ADD1: variants seen among roughly 807,000 people sequenced by gnomAD.
ADD1 encodes adducin 1, also known as alpha-adducin.
A neutral mutation model predicts 80.5 loss-of-function variants in ADD1; 24 were observed. The ratio of observed to expected loss-of-function variants is 0.30; its 90% CI spans 0.22 to 0.42. The LOEUF (loss-of-function observed/expected upper bound fraction) is 0.42, where lower values mean the gene tolerates loss of function less well. Ranked by LOEUF, ADD1 falls within the 10% of genes least tolerant of loss-of-function variation. The probability of loss-of-function intolerance (pLI) is 1.00; values close to 1 mark genes in which losing one functional copy is unlikely to be tolerated. For synonymous variants in ADD1, 373 were observed against 393.8 expected (o/e 0.95, Z 0.63); for missense variants, 948 against 1,019.0 (o/e 0.93, Z 0.95).
chr4:2,867,143 G>A (rs1446711773), intron 1 of ADD1, among the ~76,000 whole-genome samples: 1 of 152,206 alleles, frequency 6.6e-6, no homozygotes. Context: ...GAATCTTGCA[G>A]GGTGGTTGGA....
intron 14 of ADD1, among the ~76,000 whole-genome samples, chr4:2,925,584 A>G (rs1740824438): frequency 6.6e-6 from 1 of 152,254 alleles, no homozygotes; most frequent in Non-Finnish European, 1.5e-5. Flanking sequence ...GCCCTACCAC[A>G]GAATTAAAAC....
At chr4:2,852,138 T>TTTTCTTTCCTTCTTTC (rs1727192877) in intron 1 of ADD1, among the ~76,000 whole-genome samples, 1 of 97,580 alleles carries the variant, frequency 1.0e-5, no homozygotes, top group Non-Finnish European at 2.1e-5. Flanking sequence ...ACCCGGCCTC[T>TTTTCTTTCCTTCTTTC]TTTCTTTCTT....
intron 2 of ADD1, among the ~76,000 whole-genome samples, chr4:2,879,087 G>A (rs1021220118): frequency 6.6e-6 from 1 of 152,158 alleles, no homozygotes; most frequent in Non-Finnish European, 1.5e-5. Flanking sequence ...GAGGAGGTCC[G>A]AAAGCTGAGA....
In ADD1 at chr4:2,926,207, C is replaced by G; in HGVS notation, c.2047+95C>G. The G allele has an allele frequency of 9.2e-7, 1 of 1,085,322 alleles. No homozygotes were observed. Among genetic ancestry groups the G allele is most frequent in the South Asian group, 1.3e-5 (1 of 78,132 alleles). The allele number at this position is 1,085,322 out of a possible 1,614,324, so 67.2% of individuals were successfully genotyped here. A position where few individuals can be genotyped will look rare whatever the true frequency, so the allele number is the denominator to read the frequency against. ...GGCGGGAGTCGTGTTAACAGCAACA[C>G]GGAAGTGTGTGCTTGCATCAGCGCC... On this transcript the variant is annotated intron_variant, in intron 15 of 15. Coordinates refer to ENST00000683351, the MANE Select transcript of ADD1 (RefSeq NM_001354761.2). This position sits in a 1 kb window ranked among gnomAD's most constrained non-coding sequence, Gnocchi z 5.0.
chr4:2,869,796 A>G (rs984181047), intron 1 of ADD1, among the ~76,000 whole-genome samples: 1 of 152,216 alleles, frequency 6.6e-6, no homozygotes, highest in African/African-American at 2.4e-5. Context: ...ATAAGGGAAG[A>G]TACTGCAGAG....
chr4:2,888,835 G>T (rs1733830734), intron 4 of ADD1, among the ~76,000 whole-genome samples: 1 of 152,008 alleles, frequency 6.6e-6, no homozygotes, highest in East Asian at 1.9e-4. Context: ...CAAAGATCAT[G>T]TAGAACAAGT....
At chr4:2,905,346 G>A (rs189942335) in intron 10 of ADD1, 32 of 552,976 alleles carry the variant, frequency 5.8e-5, no homozygotes, top group East Asian at 5.5e-4. Context: ...GTATATCTCC[G>A]TATATAGCAA....
At position 2,928,763 on chromosome 4, in the gene ADD1, C is replaced by G; in HGVS notation, c.*240C>G. The G allele has an allele frequency of 9.7e-6, 5 of 515,154 alleles. No individual in the cohort carries two copies. The highest frequency in any genetic ancestry group is 8.0e-5 in the South Asian group (3 of 37,354). 31.9% of individuals were successfully genotyped at this position (515,154 alleles called of 1,614,324 possible). A position where few individuals can be genotyped will look rare whatever the true frequency, so the allele number is the denominator to read the frequency against. ...AGCTTCTGGGGGAGACATGCTCTCC[C>G]CACAGGGGGGAGGCACTAAGTCATG... On this transcript the variant is annotated 3_prime_UTR_variant, in exon 16 of 16. Transcript: ENST00000683351.
intron 4 of ADD1, among the ~76,000 whole-genome samples, chr4:2,888,572 C>G (rs887129104): frequency 1.1e-4 from 16 of 151,458 alleles, no homozygotes; most frequent in African/African-American, 3.4e-4. Context: ...CCTGCCACCA[C>G]ACACAGCTAA....
chr4:2,891,288 A>C (rs548954444), intron 4 of ADD1, among the ~76,000 whole-genome samples: 1 of 152,196 alleles, frequency 6.6e-6, no homozygotes, highest in Non-Finnish European at 1.5e-5. Context: ...CCCCGTCTCT[A>C]CTAAAAATAC....
intron 1 of ADD1, among the ~76,000 whole-genome samples, chr4:2,867,163 T>A (rs1729675133): frequency 6.6e-6 from 1 of 151,970 alleles, no homozygotes; most frequent in Admixed American, 6.6e-5. Flanking sequence ...AATTAACGAG[T>A]GTGTGTGAGA....
At chr4:2,899,993 A>G (rs1735913480) in intron 9 of ADD1, 1 of 184,510 alleles carries the variant, frequency 5.4e-6, no homozygotes, top group Non-Finnish European at 1.1e-5. Flanking sequence ...GAGGGCAGAC[A>G]CACAGGATGT....
chr4:2,928,278 A>G lies in ADD1; in HGVS notation c.2155A>G (p.Met719Val), dbSNP rs1397742689. Residue 719 changes from methionine to valine, a missense_variant, in exon 16 of 16, where the codon ATG (methionine) becomes GTG (valine). Physicochemically the swap from Met to Val is conservative, Grantham distance 21. Coordinates refer to ENST00000683351, the MANE Select transcript of ADD1 (RefSeq NM_001354761.2). ...ACCTTCAGAAGCACTCGGCTTCCCAATGTTAGAGAAGGAGGAGGAAGCCCA... is the reference window on the plus strand; with the variant it reads ...ACCTTCAGAAGCACTCGGCTTCCCAGTGTTAGAGAAGGAGGAGGAAGCCCA... ...DEPSEALGFP[M>V]LEKEEEAHRP... The G allele has an allele frequency of 7.4e-6, 12 of 1,613,974 alleles. No homozygotes were observed. Among genetic ancestry groups the G allele is most frequent in the South Asian group, 5.5e-5 (5 of 91,070 alleles).
intron 13 of ADD1, among the ~76,000 whole-genome samples, chr4:2,911,950 G>A (rs1738147094): frequency 6.6e-6 from 1 of 152,220 alleles, no homozygotes; most frequent in African/African-American, 2.4e-5. Flanking sequence ...GGGGCAGTAA[G>A]CTCACCCCTT....
At position 2,898,624 on chromosome 4, in the gene ADD1, G is replaced by GATA. The variant is rs752140382; in HGVS notation, c.984+94_984+95insTAA. 1.4e-5 allele frequency: 15 copies of GATA among 1,064,732 alleles called. No homozygotes were observed. The African/African-American group carries it at 2.3e-4, about 17-fold the overall frequency. The allele number at this position is 1,064,732 out of a possible 1,614,324, so 66.0% of individuals were successfully genotyped here. ...TTTTGATACTTATCGAGTAGGAGAG[G>GATA]AGTCTTTGAGCAATCTCTTTGCCAA... On this transcript the variant is annotated intron_variant, in intron 8 of 15. Coordinates refer to ENST00000683351, the MANE Select transcript of ADD1 (RefSeq NM_001354761.2).
In ADD1 at chr4:2,879,040, A is replaced by T. The variant is rs192373681; in HGVS notation, c.196-2858A>T. Among the ~76,000 whole-genome samples, 6 of 152,156 alleles carry T rather than the reference A, an allele frequency of 3.9e-5. No individual in the cohort carries two copies. The East Asian group carries it at 1.2e-3, about 29-fold the overall frequency. ...GTGTAGTGCTGACCATGGACGTGGGAGCCTGAGATGGGTTGGATGACAGGG... is the reference window on the plus strand; with the variant it reads ...GTGTAGTGCTGACCATGGACGTGGGTGCCTGAGATGGGTTGGATGACAGGG... On this transcript the variant is annotated intron_variant, in intron 2 of 15. Transcript: ENST00000683351.
intron 13 of ADD1, among the ~76,000 whole-genome samples, chr4:2,910,070 G>T (rs762848): frequency 0.018 from 2,646 of 146,130 alleles, 58 homozygotes; most frequent in African/African-American, 0.044. Flanking sequence ...CTGTGTGCGG[G>T]CATCTAGTAT....
At chr4:2,844,426 G>T (rs995397534) in intron 1 of ADD1, 1 of 152,248 alleles carries the variant, frequency 6.6e-6, no homozygotes, top group Non-Finnish European at 1.5e-5. Flanking sequence ...TTTGTGTACG[G>T]ACGCATCTGT....
intron 4 of ADD1, among the ~76,000 whole-genome samples, chr4:2,893,606 C>T (rs1734669484): frequency 6.6e-6 from 1 of 150,646 alleles, no homozygotes; most frequent in South Asian, 2.1e-4. Flanking sequence ...GAGTGAGACC[C>T]TGTCTCAAAA....
Sources: allele counts gnomAD v4.1 joint callset (sites outside exome capture counted in the v4.1 genomes callset), GRCh38; gene constraint gnomAD v4.1.1; non-coding constraint Gnocchi (gnomAD v3.1); transcripts MANE v1.5; gene names NCBI Gene and HGNC (gene_info 2026-07-23, HGNC 2026-07-21).